Variants in SMC5 observed in about 807,000 individuals in gnomAD.
The protein encoded by SMC5 is structural maintenance of chromosomes 5, also known as structural maintenance of chromosomes protein 5.
Under a neutral mutation model 148.3 loss-of-function variants are expected in SMC5, and 88 were observed. That is an observed-to-expected ratio of 0.59 (90% CI 0.50 to 0.71). The LOEUF is 0.71. Among genes scored for constraint, SMC5 ranks in the 30% least tolerant of loss-of-function variants. The probability of loss-of-function intolerance (pLI) is 0.00; values close to 1 mark genes in which losing one functional copy is unlikely to be tolerated. For synonymous variants in SMC5, 421 were observed against 432.8 expected (o/e 0.97, Z 0.34); for missense variants, 1,142 against 1,298.9 (o/e 0.88, Z 1.86).
chr9:70,286,313 T>A (rs1250416509), intron 8 of SMC5, 42 bp downstream of exon 8: 1 of 1,311,738 alleles, frequency 7.6e-7, no homozygotes, highest in East Asian at 2.3e-5. Flanking sequence ...TAAAGTTTGC[T>A]CTAACTTTTG....
At chr9:70,271,244 A>G (rs905907954) in intron 3 of SMC5, among the ~76,000 whole-genome samples, 1 of 152,190 alleles carries the variant, frequency 6.6e-6, no homozygotes, top group Non-Finnish European at 1.5e-5. Flanking sequence ...TGTGATAATT[A>G]TCTTATTATA....
intron 11 of SMC5, among the ~76,000 whole-genome samples, chr9:70,306,625 A>T (rs2035507085): frequency 6.6e-6 from 1 of 152,168 alleles, no homozygotes; most frequent in Non-Finnish European, 1.5e-5. Context: ...TAATTAAATG[A>T]TTTCTATTTT....
At chr9:70,332,286 C>T (rs544791129) in intron 17 of SMC5, among the ~76,000 whole-genome samples, 10 of 151,954 alleles carry the variant, frequency 6.6e-5, no homozygotes, top group South Asian at 4.2e-4. Flanking sequence ...TTTGGGAGGC[C>T]GAGGCAGGTG....
chr9:70,344,337 C>G, intron 18 of SMC5, 68 bp downstream of exon 18: 7 of 1,225,816 alleles, frequency 5.7e-6, no homozygotes, highest in Non-Finnish European at 7.4e-6. Context: ...GGAATCTTAG[C>G]CATTGTAACA....
Position 70,286,650 on chromosome 9 carries a change from C to T in SMC5, c.1053+379C>T, listed in dbSNP as rs181347448. 570 of 158,244 alleles carry T rather than the reference C, an allele frequency of 3.6e-3. 3 individuals carry two copies. Among genetic ancestry groups the T allele is most frequent in the Middle Eastern group, 0.019 (6 of 314 alleles). 9.8% of individuals were successfully genotyped at this position (158,244 alleles called of 1,614,324 possible). ...AGTGATGACGCTTATGTAGAAAATG[C>T]GTATGTACCTTTATGCATGATTGAA... On this transcript the variant is annotated intron_variant, in intron 8 of 24. Coordinates refer to ENST00000361138, the MANE Select transcript of SMC5 (RefSeq NM_015110.4).
At position 70,298,184 on chromosome 9, in the gene SMC5, G is replaced by T. The variant is rs757674121; in HGVS notation, c.1272G>T (p.Lys424Asn). The part of the protein sequence containing the change: ...KALCEGEIID[K>N]RRERETLEKE... ...TATGTGAAGGCGAAATAATTGATAA[G>T]CGAAGAGAGAGGGAAACTCTAGAGA... Residue 424 changes from lysine (K) to asparagine (N), a missense_variant, in exon 9 of 25, where the codon AAG (lysine) becomes AAT (asparagine). Physicochemically the swap from Lys to Asn is moderately conservative, Grantham distance 94 (BLOSUM62 0). Transcript: ENST00000361138. 2 of 1,613,856 alleles carry T rather than the reference G, an allele frequency of 1.2e-6. No individual in the cohort carries two copies. Among genetic ancestry groups the T allele is most frequent in the Non-Finnish European group, 8.5e-7 (1 of 1,179,892 alleles).
In SMC5 at chr9:70,347,693, TC is replaced by T; in HGVS notation, c.2746del (p.Gln916AsnfsTer9). On this transcript the variant is annotated frameshift_variant, in exon 21 of 25. Transcript: ENST00000361138. LOFTEE classifies it high-confidence loss of function. ...ELKGKKVELD[Q>X]YRENISQVKE... is the part of the protein sequence containing the mutation. ...TAAAGGGAAAGAAAGTTGAACTAGATCAATACAGGGAAAACATTTCACAGGT... is the reference window on the plus strand; with the variant it reads ...TAAAGGGAAAGAAAGTTGAACTAGATAATACAGGGAAAACATTTCACAGGT... The T allele has an allele frequency of 6.4e-7, 1 of 1,574,666 alleles. No individual in the cohort carries two copies. The highest frequency in any genetic ancestry group is 8.6e-7 in the Non-Finnish European group (1 of 1,162,984).
intron 13 of SMC5, 119 bp from the exon 14 acceptor site, chr9:70,318,395 A>G: frequency 1.1e-6 from 1 of 875,864 alleles, no homozygotes; most frequent in African/African-American, 1.8e-5. Context: ...CTAAAAAAAA[A>G]AAATGTATAT....
Position 70,315,594 on chromosome 9 carries a change from A to C in SMC5, c.1806+16A>C, listed in dbSNP as rs539529104. ...AATTGAACGGGTAGGAAAGTAGTGA[A>C]TCATGTACTGAATCATGTACCAAAA... On this transcript the variant is annotated intron_variant, in intron 13 of 24. Coordinates refer to ENST00000361138, the MANE Select transcript of SMC5 (RefSeq NM_015110.4). 1 of 1,517,882 alleles carries C rather than the reference A, an allele frequency of 6.6e-7. No homozygotes were observed. Among genetic ancestry groups the C allele is most frequent in the African/African-American group, 1.4e-5 (1 of 72,896 alleles). The allele number at this position is 1,517,882 out of a possible 1,614,324, so 94.0% of individuals were successfully genotyped here. A position where few individuals can be genotyped will look rare whatever the true frequency, so the allele number is the denominator to read the frequency against.
At chr9:70,324,566 G>T (rs1051823064) in intron 17 of SMC5, among the ~76,000 whole-genome samples, 3 of 151,962 alleles carry the variant, frequency 2.0e-5, no homozygotes, top group African/African-American at 7.3e-5. Context: ...TAAGTTTCAG[G>T]GTATCCATGT....
intron 17 of SMC5, among the ~76,000 whole-genome samples, chr9:70,333,303 G>T (rs147198654): frequency 6.6e-6 from 1 of 152,064 alleles, no homozygotes; most frequent in Non-Finnish European, 1.5e-5. Context: ...ATTTACAATA[G>T]CATCAAAAAT....
In SMC5 at chr9:70,352,722, G is replaced by C. The variant is rs1214744329; in HGVS notation, c.*391G>C. 1.3e-5 allele frequency: 2 copies of C among 159,392 alleles called. No individual in the cohort carries two copies. Among genetic ancestry groups the C allele is most frequent in the Non-Finnish European group, 2.8e-5 (2 of 72,718 alleles). 9.9% of individuals were successfully genotyped at this position (159,392 alleles called of 1,614,324 possible). A position where few individuals can be genotyped will look rare whatever the true frequency, so the allele number is the denominator to read the frequency against. On this transcript the variant is annotated 3_prime_UTR_variant, in exon 25 of 25. Transcript: ENST00000361138. ...CTTTTAGAGCCTAAAGATGACTCTA[G>C]AGCCTAAGTCCTAGTTTCTCCCAAT...
At chr9:70,324,526 C>A (rs1036198976) in intron 17 of SMC5, among the ~76,000 whole-genome samples, 2 of 152,138 alleles carry the variant, frequency 1.3e-5, no homozygotes, top group African/African-American at 4.8e-5. Context: ...AATATAACAA[C>A]AAACCTGTGG....
At chr9:70,296,841 T>C (rs1468759628) in intron 8 of SMC5, among the ~76,000 whole-genome samples, 2 of 152,202 alleles carry the variant, frequency 1.3e-5, no homozygotes, top group Non-Finnish European at 2.9e-5. Context: ...AGGTAGACCA[T>C]AGTTTTGATA....
chr9:70,279,454 G>A (rs1312040156), intron 5 of SMC5, among the ~76,000 whole-genome samples: 3 of 152,078 alleles, frequency 2.0e-5, no homozygotes, highest in Non-Finnish European at 4.4e-5. Context: ...AGGAGGTCAA[G>A]GTTGCAATGA....
rs1159109908 is a variant in SMC5 at position 70,259,262 on chromosome 9, C to G, written c.184C>G (p.Leu62Val). 6.3e-7 allele frequency: 1 copy of G among 1,576,266 alleles called. No individual in the cohort carries two copies. Among genetic ancestry groups the G allele is most frequent in the Non-Finnish European group, 8.6e-7 (1 of 1,159,762 alleles). ...SIVRISMENF[L>V]TYDICEVSPG... ...CGTCCGCATCTCGATGGAGAACTTC[C>G]TGTAAGTTGCCCGGAGGCCGCGCCG... Residue 62 changes from leucine (L) to valine (V), a missense_variant and splice_region_variant, in exon 1 of 25, where the codon CTA becomes GTA. This residue lies in a region of SMC5 where 297 missense variants were observed against 302.6 expected (regional missense o/e 0.98). Coordinates refer to ENST00000361138, the MANE Select transcript of SMC5 (RefSeq NM_015110.4).
chr9:70,282,475 A>T lies in SMC5; in HGVS notation c.873A>T (p.Arg291=), dbSNP rs2118189320. 1 of 1,607,536 alleles carries T rather than the reference A, an allele frequency of 6.2e-7. No individual in the cohort carries two copies. Residue 291 remains arginine (R), a synonymous_variant, in exon 7 of 25, where the codon CGA becomes CGT. Coordinates refer to ENST00000361138, the MANE Select transcript of SMC5 (RefSeq NM_015110.4). ...EYEEVKLVRD[R]VKEEVRKLKE... The stretch of plus-strand genomic sequence containing the variant: ...AAGAAGTAAAACTAGTTCGTGACCG[A>T]GTGAAGGAAGAGGTCAGAAAACTTA...
At chr9:70,282,788 T>C (rs1378788696) in intron 7 of SMC5, among the ~76,000 whole-genome samples, 2 of 152,152 alleles carry the variant, frequency 1.3e-5, no homozygotes, top group Admixed American at 1.3e-4. Flanking sequence ...ACTTCCAAGA[T>C]ATAAAGAGAG....
intron 10 of SMC5, among the ~76,000 whole-genome samples, chr9:70,304,104 T>C (rs1317800339): frequency 6.6e-6 from 1 of 152,168 alleles, no homozygotes; most frequent in Admixed American, 6.5e-5. Context: ...TTATTTTACT[T>C]TTTAGAGACA....
Sources: allele counts gnomAD v4.1 joint callset (sites outside exome capture counted in the v4.1 genomes callset), GRCh38; gene constraint gnomAD v4.1.1; regional missense constraint gnomAD v4.1.1; transcripts MANE v1.5; gene names NCBI Gene and HGNC (gene_info 2026-07-23, HGNC 2026-07-21).